The following XPO7 variants were observed in gnomAD, a reference collection of about 807,000 sequenced individuals.
The protein encoded by XPO7 is exportin-7.
In XPO7, 21 loss-of-function variants were observed where a neutral mutation model predicts 144.3. That is an observed-to-expected ratio of 0.15 (90% confidence interval 0.10 to 0.21). The LOEUF is 0.21. XPO7 is among the 10% of genes least tolerant of loss of function. XPO7 has a pLI of 1.00. For synonymous variants in XPO7, 580 were observed against 499.6 expected (o/e 1.16, Z -2.15); for missense variants, 808 against 1,325.8 (o/e 0.61, Z 6.06).
chr8:21,920,211 C>G (rs555821553), intron 1 of XPO7, among the ~76,000 whole-genome samples: 3 of 149,608 alleles, frequency 2.0e-5, no homozygotes, highest in Non-Finnish European at 4.4e-5. Flanking sequence ...CAGCAGATAA[C>G]AAAAAGGAAA....
intron 1 of XPO7, among the ~76,000 whole-genome samples, chr8:21,949,680 G>C (rs1026279288): frequency 3.9e-5 from 6 of 151,958 alleles, no homozygotes; most frequent in Non-Finnish European, 8.8e-5. Flanking sequence ...ACTGCCCTCT[G>C]CCAGGAGTCA....
chr8:21,982,938 T>C (rs1467534427), intron 11 of XPO7, 126 bp downstream of exon 11: 2 of 1,192,134 alleles, frequency 1.7e-6, no homozygotes, highest in Non-Finnish European at 2.3e-6. Context: ...CTGTTCATGG[T>C]TCTTCTTCCT....
At chr8:21,981,292 A>G (rs940380827) in intron 9 of XPO7, among the ~76,000 whole-genome samples, 9 of 152,226 alleles carry the variant, frequency 5.9e-5, no homozygotes, top group Admixed American at 1.3e-4. Flanking sequence ...TTTGCTAACT[A>G]TCGGTTAGTT....
chr8:21,987,235 C>T lies in XPO7; in HGVS notation c.1672C>T (p.Arg558Cys), dbSNP rs1486570253. ...CATGCTGAGCTTTTTTGAACAGTTT[C>T]GTAAGATCTACATTGGGGACCAAGT... Reference protein sequence around the residue: ...LAMLSFFEQFRKIYIGDQVQK... With the variant: ...LAMLSFFEQFCKIYIGDQVQK... Residue 558 changes from arginine (R) to cysteine (C), a missense_variant, in exon 14 of 28, where the codon CGT (arginine) becomes TGT (cysteine). By Grantham distance (180) the Arg-to-Cys change is radical (BLOSUM62 -3). Around this residue, in one of 5 missense-constraint regions of XPO7, gnomAD observed 416 missense variants for 612.5 expected, o/e 0.68. Coordinates refer to ENST00000252512, the MANE Select transcript of XPO7 (RefSeq NM_015024.5). 1.2e-6 allele frequency: 2 copies of T among 1,613,772 alleles called. No individual in the cohort carries two copies. Among genetic ancestry groups the T allele is most frequent in the African/African-American group, 1.3e-5 (1 of 74,880 alleles).
chr8:21,986,342 G>A (rs1812578041), intron 13 of XPO7, among the ~76,000 whole-genome samples: 1 of 152,002 alleles, frequency 6.6e-6, no homozygotes, highest in African/African-American at 2.4e-5. Flanking sequence ...TTAGTGAGAC[G>A]GGGTTTCACC....
At position 21,999,072 on chromosome 8, in the gene XPO7, A is replaced by G; in HGVS notation, c.2429-19A>G. ...GCTTCTAATGTGGTTGAATAAACATATATGACATGTCTACTCAGGCAATCG... is the reference window on the plus strand; with the variant it reads ...GCTTCTAATGTGGTTGAATAAACATGTATGACATGTCTACTCAGGCAATCG... On this transcript the variant is annotated intron_variant, in intron 22 of 27. Coordinates refer to ENST00000252512, the MANE Select transcript of XPO7 (RefSeq NM_015024.5). 1 of 1,613,016 alleles carries G rather than the reference A, an allele frequency of 6.2e-7. No individual in the cohort carries two copies. Among genetic ancestry groups the G allele is most frequent in the Non-Finnish European group, 8.5e-7 (1 of 1,179,002 alleles).
intron 24 of XPO7, among the ~76,000 whole-genome samples, chr8:22,001,579 C>T (rs994515799): frequency 2.4e-4 from 36 of 152,298 alleles, no homozygotes; most frequent in Non-Finnish European, 2.6e-4. Flanking sequence ...TCAGGGGCTA[C>T]GTCATTCTGG....
intron 1 of XPO7, among the ~76,000 whole-genome samples, chr8:21,934,256 G>C (rs1318542017): frequency 6.6e-6 from 1 of 152,066 alleles, no homozygotes; most frequent in Non-Finnish European, 1.5e-5. Context: ...CCAGTACTTT[G>C]GGTGCGGTGG....
chr8:21,973,634 T>G lies in XPO7; in HGVS notation c.493-1036T>G, dbSNP rs141884569. Among the ~76,000 whole-genome samples, 571 of 152,356 alleles carry G rather than the reference T, an allele frequency of 3.7e-3. 2 individuals are homozygous for G. The highest frequency in any genetic ancestry group is 0.013 in the African/African-American group (546 of 41,588). On this transcript the variant is annotated intron_variant, in intron 5 of 27. Coordinates refer to ENST00000252512, the MANE Select transcript of XPO7 (RefSeq NM_015024.5). ...GTCAGTAATCTTGCTGCCTTACACT[T>G]TAATGTGGAAAAAACAAAATGAGTC...
At chr8:21,945,779 A>T (rs2117277510) in intron 1 of XPO7, among the ~76,000 whole-genome samples, 1 of 152,354 alleles carries the variant, frequency 6.6e-6, no homozygotes, top group East Asian at 1.9e-4. Flanking sequence ...ATCCTCTTTA[A>T]ATTTGAATAA....
intron 16 of XPO7, 55 bp from the exon 17 acceptor site, chr8:21,990,289 C>G: frequency 1.3e-6 from 2 of 1,577,602 alleles, no homozygotes; most frequent in Non-Finnish European, 1.7e-6. Context: ...TTTCCATCTG[C>G]CTTAGAGTTT....
At chr8:21,921,100 T>G (rs561981415) in intron 1 of XPO7, among the ~76,000 whole-genome samples, 1 of 152,306 alleles carries the variant, frequency 6.6e-6, no homozygotes, top group East Asian at 1.9e-4. Context: ...GCCAGTACCT[T>G]GGCTTAATTC....
chr8:21,982,532 CTCTT>C lies in XPO7; in HGVS notation c.1105-106_1105-103del, dbSNP rs1460068746. The C allele has an allele frequency of 3.1e-6, 4 of 1,276,422 alleles. No homozygotes were observed. The African/African-American group carries it at 6.2e-5, about 20-fold the overall frequency. The allele number at this position is 1,276,422 out of a possible 1,614,324, so 79.1% of individuals were successfully genotyped here. A position where few individuals can be genotyped will look rare whatever the true frequency, so the allele number is the denominator to read the frequency against. On this transcript the variant is annotated intron_variant, in intron 10 of 27. Coordinates refer to ENST00000252512, the MANE Select transcript of XPO7 (RefSeq NM_015024.5). ...AGAACAAAGCCCACAAAAGTCTATC[CTCTT>C]TTTTTAAAAAAAAGAAAAAAGTCTT...
At chr8:21,976,268 T>A in intron 6 of XPO7, 88 bp from the exon 7 acceptor site, 1 of 1,470,844 alleles carries the variant, frequency 6.8e-7, no homozygotes, top group Middle Eastern at 1.8e-4. Flanking sequence ...TAGCCCTCCT[T>A]TTCTGACTTA....
At chr8:21,977,634 T>C in intron 7 of XPO7, 136 bp from the exon 8 acceptor site, 1 of 764,290 alleles carries the variant, frequency 1.3e-6, no homozygotes, top group Non-Finnish European at 2.0e-6. Flanking sequence ...TATTTGCTTA[T>C]CACTTCCAAA....
intron 7 of XPO7, among the ~76,000 whole-genome samples, chr8:21,977,217 T>C (rs1012228752): frequency 1.3e-5 from 2 of 152,194 alleles, no homozygotes; most frequent in African/African-American, 4.8e-5. Context: ...GACAGAGGTG[T>C]TCAGGTTAAG....
At chr8:21,948,972 A>G (rs999949881) in intron 1 of XPO7, among the ~76,000 whole-genome samples, 1 of 152,228 alleles carries the variant, frequency 6.6e-6, no homozygotes, top group Non-Finnish European at 1.5e-5. Context: ...AGTCATTACC[A>G]GGAAATATGC....
chr8:21,953,446 A>G (rs1180003332), intron 1 of XPO7, among the ~76,000 whole-genome samples: 1 of 152,212 alleles, frequency 6.6e-6, no homozygotes, highest in Admixed American at 6.5e-5. Context: ...TTTGTAGCCA[A>G]GTTTTGGTAA....
At chr8:21,988,941 C>A in intron 15 of XPO7, 62 bp from the exon 16 acceptor site, 2 of 1,490,696 alleles carry the variant, frequency 1.3e-6, no homozygotes, top group Admixed American at 1.9e-5. Context: ...CTTCTCCCAG[C>A]CCTCAAGGAA....
Sources: gnomAD v4.1 joint callset for allele counts (sites outside exome capture counted in the v4.1 genomes callset) on GRCh38, gnomAD v4.1.1 for gene constraint, gnomAD v4.1.1 regional missense constraint, MANE v1.5 for transcripts, NCBI Gene and HGNC (gene_info 2026-07-23, HGNC 2026-07-21) for gene names.